Variants in DYM observed in about 807,000 individuals in gnomAD.
DYM encodes the protein dyggve-Melchior-Clausen syndrome protein.
DYM carries 78 observed loss-of-function variants against 93.1 expected under a neutral mutation model. The ratio of observed to expected loss-of-function variants is 0.84; its 90% CI spans 0.70 to 1.01. The LOEUF is 1.01. Ranked by LOEUF, DYM falls within the 50% of genes least tolerant of loss-of-function variation. The pLI, the probability that DYM is intolerant of heterozygous loss-of-function variation, is 0.00. For synonymous variants in DYM, 321 were observed against 319.7 expected (o/e 1.00, Z -0.04); for missense variants, 789 against 845.0 (o/e 0.93, Z 0.82).
At chr18:49,098,493 T>C (rs1223062159) in intron 16 of DYM, among the ~76,000 whole-genome samples, 1 of 152,236 alleles carries the variant, frequency 6.6e-6, no homozygotes, top group African/African-American at 2.4e-5. Flanking sequence ...ATGCATTTGT[T>C]CTGGAAGGTA....
chr18:49,147,418 A>C (rs1305240419), intron 15 of DYM, among the ~76,000 whole-genome samples: 4 of 152,172 alleles, frequency 2.6e-5, no homozygotes, highest in Non-Finnish European at 2.9e-5. Flanking sequence ...CAACCTAGAG[A>C]ATGGGAGAAA....
chr18:49,403,592 A>T (rs2071096559), intron 2 of DYM, among the ~76,000 whole-genome samples: 1 of 152,176 alleles, frequency 6.6e-6, no homozygotes, highest in African/African-American at 2.4e-5. Flanking sequence ...TTTTTTTTAA[A>T]TTTCAACTTT....
At chr18:49,186,456 T>C (rs1568562189) in intron 14 of DYM, among the ~76,000 whole-genome samples, 1 of 152,170 alleles carries the variant, frequency 6.6e-6, no homozygotes. Context: ...TCTCGCCCAC[T>C]ATTGCCTATA....
At chr18:49,309,600 G>A (rs966995863) in intron 8 of DYM, among the ~76,000 whole-genome samples, 4 of 152,052 alleles carry the variant, frequency 2.6e-5, no homozygotes, top group Non-Finnish European at 5.9e-5. Flanking sequence ...GCACCACTGT[G>A]CTCCAGCCTG....
intron 12 of DYM, 92 bp from the exon 13 acceptor site, chr18:49,257,196 GT>G: frequency 5.2e-6 from 5 of 959,010 alleles, no homozygotes; most frequent in South Asian, 1.4e-5. Flanking sequence ...TGTAAACTCA[GT>G]TGTCACTGAT....
At chr18:49,190,873 T>C (rs934060287) in intron 14 of DYM, among the ~76,000 whole-genome samples, 2 of 152,246 alleles carry the variant, frequency 1.3e-5, no homozygotes, top group African/African-American at 4.8e-5. Flanking sequence ...AGTGATTTTC[T>C]TAATAGCATT....
chr18:49,442,758 A>G (rs1403651502), intron 1 of DYM, among the ~76,000 whole-genome samples: 4 of 152,190 alleles, frequency 2.6e-5, no homozygotes, highest in Non-Finnish European at 5.9e-5. Flanking sequence ...CACTCACCAC[A>G]AACTATGGCG....
At chr18:49,329,019 G>A (rs1175403905) in intron 8 of DYM, among the ~76,000 whole-genome samples, 1 of 151,996 alleles carries the variant, frequency 6.6e-6, no homozygotes, top group Admixed American at 6.5e-5. Context: ...CAATAGCAAA[G>A]ACTTGGAACT....
At chr18:49,317,646 CTCCT>C (rs71297073) in intron 8 of DYM, among the ~76,000 whole-genome samples, 938 of 36,564 alleles carry the variant, frequency 0.026, 24 homozygotes, top group Non-Finnish European at 0.033. Context: ...ATCCTCTCCT[CTCCT>C]TCCTTCCTTC....
chr18:49,281,970 G>A (rs368610649), intron 10 of DYM, 27 bp downstream of exon 10: 45 of 1,602,928 alleles, frequency 2.8e-5, no homozygotes, highest in African/African-American at 1.1e-4. Flanking sequence ...AAATACAAAC[G>A]CATGGAATGT....
At chr18:49,390,093 CT>C (rs1482746845) in intron 3 of DYM, among the ~76,000 whole-genome samples, 1 of 152,100 alleles carries the variant, frequency 6.6e-6, no homozygotes, top group Non-Finnish European at 1.5e-5. Context: ...ACAATAACAC[CT>C]TTTCATTATC....
At chr18:49,211,218 T>A (rs777505234) in intron 13 of DYM, among the ~76,000 whole-genome samples, 2 of 152,114 alleles carry the variant, frequency 1.3e-5, no homozygotes, top group African/African-American at 4.8e-5. Flanking sequence ...GCGAACAACA[T>A]AGTAAAAAAT....
In DYM at chr18:49,272,518, C is replaced by A. The variant is rs190943980; in HGVS notation, c.1126-215G>T. Among the ~76,000 whole-genome samples, 26 of 152,270 alleles carry A rather than the reference C, an allele frequency of 1.7e-4. 2 individuals carry two copies. In the East Asian group the frequency reaches 5.0e-3, roughly 29 times the overall value. On this transcript the variant is annotated intron_variant, in intron 10 of 17. Transcript: ENST00000675505. ...AAATCACCACTAACTCTGTGAAGGT[C>A]TCTTAAGGTCTAACCAACATAAAGG...
chr18:49,302,897 G>T (rs2061032627), intron 8 of DYM, among the ~76,000 whole-genome samples: 1 of 152,212 alleles, frequency 6.6e-6, no homozygotes, highest in Non-Finnish European at 1.5e-5. Flanking sequence ...CATCCTGGCT[G>T]AAAATAATAC....
At chr18:49,446,309 T>C (rs1416978391) in intron 1 of DYM, among the ~76,000 whole-genome samples, 1 of 152,148 alleles carries the variant, frequency 6.6e-6, no homozygotes, top group African/African-American at 2.4e-5. Flanking sequence ...TAACTGCCTC[T>C]GAAAATGAGA....
intron 5 of DYM, among the ~76,000 whole-genome samples, chr18:49,373,944 T>A (rs2067263440): frequency 2.6e-5 from 4 of 152,262 alleles, no homozygotes; most frequent in Admixed American, 6.5e-5. Flanking sequence ...TTAACAAAAC[T>A]AACACACGCA....
At chr18:49,313,593 A>T (rs2061745654) in intron 8 of DYM, among the ~76,000 whole-genome samples, 1 of 151,744 alleles carries the variant, frequency 6.6e-6, no homozygotes, top group Non-Finnish European at 1.5e-5. Flanking sequence ...TTAGCATATC[A>T]TCAAGAAATA....
At chr18:49,226,758 GA>G (rs1414919704) in intron 13 of DYM, among the ~76,000 whole-genome samples, 2 of 152,042 alleles carry the variant, frequency 1.3e-5, no homozygotes, top group Non-Finnish European at 2.9e-5. Flanking sequence ...TGTACCAAAG[GA>G]AATGGTGGAT....
intron 13 of DYM, among the ~76,000 whole-genome samples, chr18:49,209,962 G>A (rs928968461): frequency 6.6e-6 from 1 of 152,154 alleles, no homozygotes; most frequent in Non-Finnish European, 1.5e-5. Context: ...ATGAAGAGAT[G>A]TTTAACATCA....
Sources: allele counts gnomAD v4.1 joint callset (sites outside exome capture counted in the v4.1 genomes callset), GRCh38; gene constraint gnomAD v4.1.1; transcripts MANE v1.5; gene names NCBI Gene and HGNC (gene_info 2026-07-23, HGNC 2026-07-21).